GNAI2: variants seen among roughly 807,000 people sequenced by gnomAD.
The protein encoded by GNAI2 is guanine nucleotide-binding protein G(i) subunit alpha-2.
GNAI2 carries 4 observed loss-of-function variants against 36.8 expected under a neutral mutation model. The observed-to-expected ratio is 0.11, with a 90% CI of 0.05 to 0.25. The LOEUF (loss-of-function observed/expected upper bound fraction) is 0.25. GNAI2 is among the 10% of genes least tolerant of loss of function. The pLI is 1.00. For synonymous variants in GNAI2, 194 were observed against 194.1 expected (o/e 1.00, Z 0.01); for missense variants, 230 against 481.3 (o/e 0.48, Z 4.89).
rs782770897 is a variant in GNAI2 at position 50,242,072 on chromosome 3, A to C, written c.118+5619A>C. On this transcript the variant is annotated intron_variant, in intron 1 of 8. Transcript: ENST00000313601. The surrounding 1 kb of genome is among the most constrained non-coding windows in gnomAD (Gnocchi z 4.8). ...TCCTGTATACTCTGCCGTTGATCTTAGTTCTTGGTCCCTGGCTGTGACTCT... is the reference window on the plus strand; with the variant it reads ...TCCTGTATACTCTGCCGTTGATCTTCGTTCTTGGTCCCTGGCTGTGACTCT... Among the ~76,000 whole-genome samples, 1 of 152,108 alleles carries C rather than the reference A, an allele frequency of 6.6e-6. No individual in the cohort carries two copies. Among genetic ancestry groups the C allele is most frequent in the Admixed American group, 6.5e-5 (1 of 15,282 alleles).
chr3:50,236,331 G>A lies in GNAI2; in HGVS notation c.-5G>A, dbSNP rs1553700354. ...CGGGCGGCGGCCGGGCCGGCGGACG[G>A]CGGGATGGGCTGCACCGTGAGCGCC... On this transcript the variant is annotated 5_prime_UTR_variant, in exon 1 of 9. Transcript: ENST00000313601. The surrounding 1 kb of genome is among the most constrained non-coding windows in gnomAD (Gnocchi z 4.0). 11 of 1,417,822 alleles carry A rather than the reference G, an allele frequency of 7.8e-6. No homozygotes were observed. Among genetic ancestry groups the A allele is most frequent in the Non-Finnish European group, 1.0e-5 (11 of 1,088,824 alleles). The allele number at this position is 1,417,822 out of a possible 1,614,324, so 87.8% of individuals were successfully genotyped here.
rs1206645682 is a variant in GNAI2, at chr3:50,241,698, AC to A, written c.118+5247del. Among the ~76,000 whole-genome samples the A allele has an allele frequency of 6.6e-6, 1 of 152,158 alleles. No individual in the cohort carries two copies. Among genetic ancestry groups the A allele is most frequent in the Non-Finnish European group, 1.5e-5 (1 of 68,018 alleles). ...TGCTGTGGCAGGAGGTGGAAGTCAA[AC>A]CAGTTGCGGGACACAGGCTTCCATG... On this transcript the variant is annotated intron_variant, in intron 1 of 8. Coordinates refer to ENST00000313601, the MANE Select transcript of GNAI2 (RefSeq NM_002070.4). This position sits in a 1 kb window ranked among gnomAD's most constrained non-coding sequence, Gnocchi z 5.0.
At position 50,256,180 on chromosome 3, in the gene GNAI2, C is replaced by A; in HGVS notation, c.465-12C>A. The A allele has an allele frequency of 1.4e-6, 2 of 1,468,188 alleles. No homozygotes were observed. Among genetic ancestry groups the A allele is most frequent in the South Asian group, 1.1e-5 (1 of 87,294 alleles). The allele number at this position is 1,468,188 out of a possible 1,614,324, so 90.9% of individuals were successfully genotyped here. On this transcript the variant is annotated splice_polypyrimidine_tract_variant and intron_variant, in intron 4 of 8. Transcript: ENST00000313601. ...GCTGGCCCCCACTGACCCTCCCACC[C>A]CCCATCCCCAGCTACCTGAACGACC... is the stretch of plus-strand genomic sequence containing the variant.
chr3:50,255,512 A>C lies in GNAI2; in HGVS notation c.465-680A>C, dbSNP rs1489085782. Among the ~76,000 whole-genome samples the C allele has an allele frequency of 6.6e-6, 1 of 152,162 alleles. No individual in the cohort carries two copies. Among genetic ancestry groups the C allele is most frequent in the Non-Finnish European group, 1.5e-5 (1 of 68,032 alleles). ...TAATGCCGTAATTGCGCCCATTAGC[A>C]TCCTGAATCCTTCACCGAAGGACTA... On this transcript the variant is annotated intron_variant, in intron 4 of 8. Coordinates refer to ENST00000313601, the MANE Select transcript of GNAI2 (RefSeq NM_002070.4). This position sits in a 1 kb window ranked among gnomAD's most constrained non-coding sequence, Gnocchi z 4.0.
upstream of GNAI2, among the ~76,000 whole-genome samples, chr3:50,232,825 T>G (rs995340134): frequency 6.7e-6 from 1 of 149,054 alleles, no homozygotes; most frequent in South Asian, 2.2e-4. Flanking sequence ...GGAGGGGAAA[T>G]TGAGGTAGGG....
At chr3:50,243,472 C>T (rs1170438824) in intron 1 of GNAI2, among the ~76,000 whole-genome samples, 12 of 152,236 alleles carry the variant, frequency 7.9e-5, no homozygotes, top group Non-Finnish European at 2.9e-5. Flanking sequence ...TCTGGGTTTC[C>T]CCTGCTGGGG....
Position 50,255,725 on chromosome 3 carries a change from T to C in GNAI2, c.465-467T>C, listed in dbSNP as rs1316317056. On this transcript the variant is annotated intron_variant, in intron 4 of 8. Transcript: ENST00000313601. This position sits in a 1 kb window ranked among gnomAD's most constrained non-coding sequence, Gnocchi z 4.0. ...AGTTCAGGTTTCTTCATTTGAGCAA[T>C]GAGGTAATGCAGGCAGGGGTTAAAG... is the stretch of plus-strand genomic sequence containing the variant. Among the ~76,000 whole-genome samples the C allele has an allele frequency of 6.6e-6, 1 of 151,876 alleles. No homozygotes were observed.
At chr3:50,232,137 C>G (rs191803170), upstream of GNAI2, among the ~76,000 whole-genome samples, 95 of 152,202 alleles carry the variant, frequency 6.2e-4, no homozygotes, top group African/African-American at 2.2e-3. Context: ...TGAGACCAGC[C>G]TGGCCAACAT....
At chr3:50,227,551 A>C, upstream of GNAI2, 3 of 176,102 alleles carry the variant, frequency 1.7e-5, no homozygotes, top group Non-Finnish European at 3.6e-5. The surrounding 1 kb of genome is among the most constrained non-coding windows in gnomAD (Gnocchi z 5.9). Flanking sequence ...GGCCACCGAA[A>C]TCCCGCGCTC....
At chr3:50,234,218 C>T (rs1191993037), upstream of GNAI2, among the ~76,000 whole-genome samples, 1 of 151,704 alleles carries the variant, frequency 6.6e-6, no homozygotes, top group Non-Finnish European at 1.5e-5. Context: ...AGGCGCCCGC[C>T]ACCACGCCGG....
chr3:50,251,918 T>C (rs1360311559), intron 1 of GNAI2, 182 bp from the exon 2 acceptor site: 2 of 904,746 alleles, frequency 2.2e-6, no homozygotes, highest in Non-Finnish European at 3.3e-6. Context: ...TTGACCACTG[T>C]GGCCCTGCCA....
chr3:50,227,369 G>A (rs1042922451), upstream of GNAI2: 98 of 413,250 alleles, frequency 2.4e-4, 1 homozygote, highest in South Asian at 1.3e-3. This position sits in a 1 kb window ranked among gnomAD's most constrained non-coding sequence, Gnocchi z 5.9. Context: ...CGGGGGCCAG[G>A]CCCGGAGGCA....
chr3:50,232,642 T>G (rs1267929022), upstream of GNAI2, among the ~76,000 whole-genome samples: 1 of 152,214 alleles, frequency 6.6e-6, no homozygotes, highest in Non-Finnish European at 1.5e-5. Context: ...TCATCTATTC[T>G]CAGGGCATTG....
upstream of GNAI2, chr3:50,236,155 C>G (rs1283781290): frequency 6.9e-6 from 8 of 1,160,796 alleles, no homozygotes; most frequent in African/African-American, 1.3e-4. This position sits in a 1 kb window ranked among gnomAD's most constrained non-coding sequence, Gnocchi z 4.0. Flanking sequence ...GGCCCCACCC[C>G]CGGCCCGCCC....
rs11557219 is a variant in GNAI2 at position 50,256,849 on chromosome 3, G to A, written c.720G>A (p.Glu240=). The A allele has an allele frequency of 6.2e-7, 1 of 1,614,096 alleles. No individual in the cohort carries two copies. The highest frequency in any genetic ancestry group is 1.7e-5 in the Admixed American group (1 of 60,002). ...AYDLVLAEDE[E]MNRMHESMKL... ...ACTTGGTGCTAGCTGAGGACGAGGA[G>A]ATGGTGAGAGGATGAGAGAATGCTG... Residue 240 remains glutamate, a synonymous_variant, in exon 6 of 9, where the codon GAG becomes GAA. Transcript: ENST00000313601.
At position 50,256,196 on chromosome 3, in the gene GNAI2, C is replaced by A; in HGVS notation, c.469C>A (p.Leu157Met). 6.3e-7 allele frequency: 1 copy of A among 1,587,370 alleles called. No homozygotes were observed. The highest frequency in any genetic ancestry group is 8.6e-7 in the Non-Finnish European group (1 of 1,158,072). Reference protein sequence around the residue: ...YQLNDSAAYYLNDLERIAQSD... With the variant: ...YQLNDSAAYYMNDLERIAQSD... ...CCTCCCACCCCCCATCCCCAGCTAC[C>A]TGAACGACCTGGAGCGTATTGCACA... The change falls in exon 5 of 9, where the codon CTG becomes ATG. Residue 157 changes from leucine (L) to methionine (M), a missense_variant. Physicochemically the swap from Leu to Met is conservative, Grantham distance 15 (BLOSUM62 2). Around this residue, in one of 4 missense-constraint regions of GNAI2, gnomAD observed 132 missense variants for 247.4 expected, o/e 0.53. Coordinates refer to ENST00000313601, the MANE Select transcript of GNAI2 (RefSeq NM_002070.4).
chr3:50,233,679 A>G (rs1700108422), upstream of GNAI2, among the ~76,000 whole-genome samples: 1 of 152,106 alleles, frequency 6.6e-6, no homozygotes, highest in Non-Finnish European at 1.5e-5. Flanking sequence ...TTGCATGCCC[A>G]TGGCAGGGCC....
rs985325664 is a variant in GNAI2 at position 50,241,707 on chromosome 3, G to C, written c.118+5254G>C. ...AGGAGGTGGAAGTCAAACCAGTTGC[G>C]GGACACAGGCTTCCATGTCAGAAGC... is the stretch of plus-strand genomic sequence containing the variant. On this transcript the variant is annotated intron_variant, in intron 1 of 8. Coordinates refer to ENST00000313601, the MANE Select transcript of GNAI2 (RefSeq NM_002070.4). This position sits in a 1 kb window ranked among gnomAD's most constrained non-coding sequence, Gnocchi z 5.0. Among the ~76,000 whole-genome samples the C allele has an allele frequency of 6.6e-6, 1 of 152,154 alleles. No individual in the cohort carries two copies. Among genetic ancestry groups the C allele is most frequent in the African/African-American group, 2.4e-5 (1 of 41,426 alleles).
At chr3:50,229,406 C>G (rs1199077897), upstream of GNAI2, 1 of 152,212 alleles carries the variant, frequency 6.6e-6, no homozygotes, top group Non-Finnish European at 1.5e-5. Context: ...GTAGCTCCTC[C>G]CCAGTCATAC....
Sources: allele counts gnomAD v4.1 joint callset (sites outside exome capture counted in the v4.1 genomes callset), GRCh38; gene constraint gnomAD v4.1.1; regional missense constraint gnomAD v4.1.1; non-coding constraint Gnocchi (gnomAD v3.1); transcripts MANE v1.5; gene names NCBI Gene and HGNC (gene_info 2026-07-23, HGNC 2026-07-21).